Variants in COMMD6 observed in about 807,000 individuals in gnomAD.
The protein encoded by COMMD6 is COMM domain containing 6.
Under a neutral mutation model 13.4 loss-of-function variants are expected in COMMD6, and 11 were observed. The ratio of observed to expected loss-of-function variants is 0.82; its 90% CI spans 0.52 to 1.36. The LOEUF is 1.36. Ranked by LOEUF, COMMD6 falls within the 40% of genes most tolerant of loss-of-function variation. The probability of loss-of-function intolerance (pLI) is 0.00; values close to 1 mark genes in which losing one functional copy is unlikely to be tolerated. For missense variants in COMMD6, 124 were observed against 102.4 expected, an observed-to-expected ratio of 1.21 and a Z score of -0.91; for synonymous variants, 43 against 36.5, an observed-to-expected ratio of 1.18 and a Z score of -0.64.
chr13:75,542,904 G>A (rs1471296454), upstream of COMMD6, among the ~76,000 whole-genome samples: 3 of 152,152 alleles, frequency 2.0e-5, no homozygotes, highest in Admixed American at 2.0e-4. Flanking sequence ...AGCTAGAATG[G>A]GCACATTAGC....
chr13:75,530,012 A>G, intron 3 of COMMD6, 102 bp downstream of exon 3: 1 of 898,340 alleles, frequency 1.1e-6, no homozygotes, highest in Non-Finnish European at 1.7e-6. Context: ...TCAATCTACA[A>G]ATAAAAACCA....
intron 3 of COMMD6, among the ~76,000 whole-genome samples, chr13:75,529,108 C>G (rs1259330156): frequency 2.6e-5 from 4 of 152,118 alleles, no homozygotes; most frequent in African/African-American, 9.7e-5. Context: ...TAACTTCGTA[C>G]TAGTGTAAGT....
intron 2 of COMMD6, among the ~76,000 whole-genome samples, chr13:75,532,983 T>G (rs1006666740): frequency 6.7e-6 from 1 of 150,160 alleles, no homozygotes; most frequent in Non-Finnish European, 1.5e-5. Flanking sequence ...CAGGCTGGAG[T>G]GCAGTGGCAC....
At chr13:75,537,453 G>C (rs1371740364) in intron 2 of COMMD6, 3 of 1,551,584 alleles carry the variant, frequency 1.9e-6, no homozygotes, top group Non-Finnish European at 2.6e-6. Context: ...CTTCGGGCTA[G>C]TGCAGGGTGG....
chr13:75,533,228 G>A (rs188824370), intron 2 of COMMD6, among the ~76,000 whole-genome samples: 4 of 151,714 alleles, frequency 2.6e-5, no homozygotes, highest in East Asian at 2.0e-4. Flanking sequence ...CATCGCACCC[G>A]GCCGAAAGTT....
chr13:75,538,202 T>G (rs1411036134), upstream of COMMD6, among the ~76,000 whole-genome samples: 3 of 152,208 alleles, frequency 2.0e-5, no homozygotes, highest in Admixed American at 6.5e-5. Flanking sequence ...CCCCGGCACA[T>G]GGGAGTTTGT....
upstream of COMMD6, among the ~76,000 whole-genome samples, chr13:75,543,761 AG>A (rs1481405783): frequency 2.6e-5 from 4 of 152,210 alleles, no homozygotes; most frequent in Non-Finnish European, 5.9e-5. Flanking sequence ...CATGTAACAA[AG>A]GTTCTGAACA....
At chr13:75,545,057 C>T (rs117823879) in intron 1 of COMMD6, among the ~76,000 whole-genome samples, 4,436 of 152,154 alleles carry the variant, frequency 0.029, 142 homozygotes, top group Non-Finnish European at 0.039. Flanking sequence ...GGCCTAATTA[C>T]GTAAGGCATT....
At chr13:75,546,439 GA>G (rs796158871) in intron 1 of COMMD6, among the ~76,000 whole-genome samples, 36 of 152,130 alleles carry the variant, frequency 2.4e-4, no homozygotes, top group African/African-American at 6.5e-4. Context: ...CAGAATATAA[GA>G]AAAAAATGTA....
At chr13:75,547,535 G>A (rs756346044) in intron 1 of COMMD6, among the ~76,000 whole-genome samples, 8 of 152,178 alleles carry the variant, frequency 5.3e-5, no homozygotes, top group African/African-American at 7.2e-5. Context: ...CCAATCTTGG[G>A]CTCTGTCTCA....
Position 75,535,867 on chromosome 13 carries a change from A to C in COMMD6, c.54+1797T>G, listed in dbSNP as rs559822159. Among the ~76,000 whole-genome samples the C allele has an allele frequency of 6.6e-5, 10 of 152,202 alleles. No homozygotes were observed. The East Asian group carries it at 1.5e-3, about 23-fold the overall frequency. On this transcript the variant is annotated intron_variant, in intron 2 of 3. Coordinates refer to ENST00000682242, the MANE Select transcript of COMMD6 (RefSeq NM_203495.4). Reference sequence around the variant, plus strand: ...ATAAAACTTTTAAATATCTTTTATTAGATTTCTTGCAAGATACTCCGTAAT... The same window carrying C: ...ATAAAACTTTTAAATATCTTTTATTCGATTTCTTGCAAGATACTCCGTAAT...
At chr13:75,539,574 T>G, upstream of COMMD6, among the ~76,000 whole-genome samples, 1 of 152,138 alleles carries the variant, frequency 6.6e-6, no homozygotes, top group East Asian at 1.9e-4. Flanking sequence ...ACATAAATTT[T>G]AATTATATTT....
At chr13:75,528,039 GCA>G (rs2030330283) in intron 3 of COMMD6, among the ~76,000 whole-genome samples, 1 of 144,014 alleles carries the variant, frequency 6.9e-6, no homozygotes, top group African/African-American at 2.6e-5. Context: ...ACACATACAT[GCA>G]CACACTCTCT....
upstream of COMMD6, among the ~76,000 whole-genome samples, chr13:75,542,569 G>T (rs764283277): frequency 6.6e-6 from 1 of 152,164 alleles, no homozygotes; most frequent in Non-Finnish European, 1.5e-5. Context: ...GATTACAGGC[G>T]TGAGTGACTG....
At chr13:75,527,915 C>A in intron 3 of COMMD6, 2 of 1,428,150 alleles carry the variant, frequency 1.4e-6, no homozygotes, top group Non-Finnish European at 1.8e-6. Context: ...ATGAGTAAGT[C>A]TGAGATCTAA....
At chr13:75,526,829 G>A (rs1357209882) in intron 3 of COMMD6, among the ~76,000 whole-genome samples, 190 bp from the exon 4 acceptor site, 3 of 152,140 alleles carry the variant, frequency 2.0e-5, no homozygotes, top group South Asian at 2.1e-4. Flanking sequence ...ATACTACTGT[G>A]GGGTTGGATA....
Position 75,537,666 on chromosome 13 carries a change from G to T in COMMD6, c.52C>A (p.Gln18Lys). 6.2e-7 allele frequency: 1 copy of T among 1,613,484 alleles called. No homozygotes were observed. The highest frequency in any genetic ancestry group is 8.5e-7 in the Non-Finnish European group (1 of 1,179,488). ...PLDAKSDVTN[Q>K]LVDFQWKLGM... ...GGGCGGGGCGGCCGCTCACCCACCT[G>T]GTTGGTGACCTGAAACGGAAGCAGA... is the stretch of plus-strand genomic sequence containing the variant. The change falls in exon 2 of 4, where the codon CAG (glutamine) becomes AAG (lysine). Residue 18 changes from glutamine to lysine, a missense_variant and splice_region_variant. Physicochemically the swap from Gln to Lys is moderately conservative, Grantham distance 53. Transcript: ENST00000682242.
chr13:75,534,999 T>C (rs1455203450), intron 2 of COMMD6, among the ~76,000 whole-genome samples: 1 of 152,174 alleles, frequency 6.6e-6, no homozygotes, highest in African/African-American at 2.4e-5. Context: ...AACAAAAATA[T>C]AATGTAATGG....
intron 2 of COMMD6, chr13:75,537,462 G>A: frequency 6.4e-7 from 1 of 1,551,808 alleles, no homozygotes; most frequent in East Asian, 2.4e-5. Context: ...AGTGCAGGGT[G>A]GGGAAGAGGA....
Sources: gnomAD v4.1 joint callset for allele counts (sites outside exome capture counted in the v4.1 genomes callset) on GRCh38, gnomAD v4.1.1 for gene constraint, MANE v1.5 for transcripts, NCBI Gene and HGNC (gene_info 2026-07-23, HGNC 2026-07-21) for gene names.